Variants in NXF3 observed in about 807,000 individuals in gnomAD.
The protein encoded by NXF3 is nuclear RNA export factor 3.
Under a neutral mutation model 48.4 loss-of-function variants are expected in NXF3, and 34 were observed. The ratio of observed to expected loss-of-function variants is 0.70; its 90% CI spans 0.53 to 0.93. The LOEUF is 0.93. NXF3 is among the 40% of genes least tolerant of loss of function. The probability of loss-of-function intolerance (pLI) is 0.00; values close to 1 mark genes in which losing one functional copy is unlikely to be tolerated. For synonymous variants in NXF3, 132 were observed against 145.7 expected (o/e 0.91, Z 0.68); for missense variants, 359 against 406.1 (o/e 0.88, Z 1.00).
chrX:103,080,488 A>T, intron 10 of NXF3, 88 bp downstream of exon 10: 3 of 944,945 alleles, frequency 3.2e-6, no homozygotes, highest in Non-Finnish European at 4.6e-6. Flanking sequence ...CCAAAAATGT[A>T]ACTGGGACAA....
intron 1 of NXF3, among the ~76,000 whole-genome samples, chrX:103,091,565 G>A (rs1922274169): frequency 9.1e-6 from 1 of 109,950 alleles, no homozygotes; most frequent in African/African-American, 3.3e-5. Context: ...TGGTATCTGT[G>A]GGTGGGCAGG....
At chrX:103,085,433 A>G (rs1161148702) in intron 1 of NXF3, among the ~76,000 whole-genome samples, 1 of 111,876 alleles carries the variant, frequency 8.9e-6, no homozygotes, top group Non-Finnish European at 1.9e-5. Context: ...ATTGGAGAAT[A>G]ATAAAATCTA....
chrX:103,086,327 C>T (rs1004817712), intron 1 of NXF3, among the ~76,000 whole-genome samples: 3 of 110,546 alleles, frequency 2.7e-5, no homozygotes, highest in Admixed American at 9.6e-5. Context: ...AGGAGAATGG[C>T]GTGGACCCGG....
chrX:103,086,992 T>A (rs896678244), intron 1 of NXF3, among the ~76,000 whole-genome samples: 1 of 111,964 alleles, frequency 8.9e-6, no homozygotes, highest in Non-Finnish European at 1.9e-5. Context: ...AGAAACCCGA[T>A]TGAGAAGTGG....
chrX:103,084,926 A>G lies in NXF3; in HGVS notation c.29-43T>C, dbSNP rs73524000. ...ACATCAACACTTAGAATACCAGAAA[A>G]AAATCTTGGGAAAATATAATGGATA... is the stretch of plus-strand genomic sequence containing the variant. On this transcript the variant is annotated intron_variant, in intron 1 of 19. Coordinates refer to ENST00000395065, the MANE Select transcript of NXF3 (RefSeq NM_022052.2). 3.8e-3 allele frequency: 4,233 copies of G among 1,105,852 alleles called. 109 individuals carry two copies. In the African/African-American group the frequency reaches 0.062, roughly 16 times the overall value. 91.1% of individuals were successfully genotyped at this position (1,105,852 alleles called of 1,213,427 possible).
chrX:103,080,757 C>T, intron 9 of NXF3, 145 bp from the exon 10 acceptor site: 1 of 529,807 alleles, frequency 1.9e-6, no homozygotes, highest in South Asian at 3.1e-5. Context: ...CCCTGGGCAG[C>T]ATTGGGAGCC....
chrX:103,080,230 G>C lies in NXF3; in HGVS notation c.928-14C>G, dbSNP rs143217896. On this transcript the variant is annotated splice_polypyrimidine_tract_variant and intron_variant, in intron 10 of 19. Coordinates refer to ENST00000395065, the MANE Select transcript of NXF3 (RefSeq NM_022052.2). ...CTGCTGGCCATCCTGGGGAAGGCAA[G>C]AGGAAGTCAGTAGTGCAAAGTAGGG... is the stretch of plus-strand genomic sequence containing the variant. The C allele has an allele frequency of 9.4e-3, 11,308 of 1,204,551 alleles. 55 individuals carry two copies. Among genetic ancestry groups the C allele is most frequent in the Non-Finnish European group, 0.012 (10,458 of 890,729 alleles).
At chrX:103,079,172 G>T (rs1211810646) in intron 16 of NXF3, 49 bp downstream of exon 16, 2 of 1,143,505 alleles carry the variant, frequency 1.7e-6, no homozygotes, top group Admixed American at 4.4e-5. Context: ...GCCCAGCCAG[G>T]GGGAGGGAGG....
At position 103,087,332 on chromosome X, in the gene NXF3, A is replaced by C. The variant is rs190500297; in HGVS notation, c.29-2449T>G. 1,220 of 1,203,305 alleles carry C rather than the reference A, an allele frequency of 1.0e-3. 8 individuals carry two copies. The African/African-American group carries it at 0.02, about 19-fold the overall frequency. ...ACACCATCAAAATTAGCTAGGCACT[A>C]TCTCATTCATACTGGTCAAAAGCCA... On this transcript the variant is annotated intron_variant, in intron 1 of 19. Transcript: ENST00000395065.
At chrX:103,084,605 G>A in intron 2 of NXF3, 110 bp from the exon 3 acceptor site, 1 of 1,124,224 alleles carries the variant, frequency 8.9e-7, no homozygotes, top group South Asian at 2.0e-5. Context: ...CATTAATCGA[G>A]TTCTGTCATT....
rs778127278 is a variant in NXF3, at chrX:103,089,115, T to C, written c.28+3881A>G. ...TTGTGCTAGGAGTTTCTGATCTCCA[T>C]CTATACTGGAAAAACACTAACTAAT... On this transcript the variant is annotated intron_variant, in intron 1 of 19. Coordinates refer to ENST00000395065, the MANE Select transcript of NXF3 (RefSeq NM_022052.2). The C allele has an allele frequency of 2.2e-5, 20 of 896,161 alleles. No individual in the cohort carries two copies. The Middle Eastern group carries it at 8.1e-4, about 36-fold the overall frequency. 73.9% of individuals were successfully genotyped at this position (896,161 alleles called of 1,213,427 possible). A position where few individuals can be genotyped will look rare whatever the true frequency, so the allele number is the denominator to read the frequency against.
At chrX:103,082,396 A>G in intron 8 of NXF3, 32 bp from the exon 9 acceptor site, 3 of 1,020,057 alleles carry the variant, frequency 2.9e-6, no homozygotes, top group Non-Finnish European at 4.1e-6. Flanking sequence ...ACGTAGACCC[A>G]GGAAAGAGCA....
chrX:103,084,799 T>C lies in NXF3; in HGVS notation c.113A>G (p.Asn38Ser). The change falls in exon 2 of 20, where the codon AAT becomes AGT. Residue 38 changes from asparagine to serine, a missense_variant. Coordinates refer to ENST00000395065, the MANE Select transcript of NXF3 (RefSeq NM_022052.2). ...ATGGGATGAAGAATGCATGCCAGGA[T>C]TGACAGGTTCAGACCTACTGCTAAA... ...RRFSSRSEPVNPGMHSSSHQQ... is the reference protein window; with the variant it reads ...RRFSSRSEPVSPGMHSSSHQQ... 6 of 1,211,394 alleles carry C rather than the reference T, an allele frequency of 5.0e-6. No individual in the cohort carries two copies. Among genetic ancestry groups the C allele is most frequent in the Non-Finnish European group, 6.7e-6 (6 of 894,890 alleles).
chrX:103,080,288 C>T, intron 10 of NXF3, 72 bp from the exon 11 acceptor site: 1 of 1,005,595 alleles, frequency 9.9e-7, no homozygotes, highest in Non-Finnish European at 1.4e-6. Context: ...AAAGGATAGA[C>T]CCAGGAGAGG....
intron 19 of NXF3, 108 bp downstream of exon 19, chrX:103,076,133 C>T (rs112014319): frequency 9.0e-6 from 5 of 556,251 alleles, no homozygotes; most frequent in African/African-American, 4.5e-5. Flanking sequence ...TGCCCTTGGC[C>T]GAGAGGAAGT....
chrX:103,076,229 C>G lies in NXF3; in HGVS notation c.*49+12G>C. The G allele has an allele frequency of 8.4e-7, 1 of 1,184,403 alleles. No homozygotes were observed. The highest frequency in any genetic ancestry group is 1.1e-6 in the Non-Finnish European group (1 of 870,994). ...AACCTCTGCTCACTTGGCCTGAATT[C>G]CTAGACCTCACCTTGGGCCATGCAA... On this transcript the variant is annotated intron_variant, in intron 19 of 19. Transcript: ENST00000395065.
At chrX:103,090,929 A>G (rs17340286) in intron 1 of NXF3, among the ~76,000 whole-genome samples, 4,512 of 111,943 alleles carry the variant, frequency 0.04, 207 homozygotes, top group South Asian at 0.3. Flanking sequence ...CAGGCAAGAT[A>G]GTGGTTTACA....
Position 103,080,011 on chromosome X carries a change from A to G in NXF3, c.1052+2T>C. 1 of 1,210,949 alleles carries G rather than the reference A, an allele frequency of 8.3e-7. No homozygotes were observed. Among genetic ancestry groups the G allele is most frequent in the Non-Finnish European group, 1.1e-6 (1 of 894,888 alleles). On this transcript the variant is annotated splice_donor_variant, in intron 12 of 19. Coordinates refer to ENST00000395065, the MANE Select transcript of NXF3 (RefSeq NM_022052.2). LOFTEE classifies it high-confidence loss of function. ...TTGCCTCAGATTCCCAGGGATACTTACTGCTGCAGGAATTGCAGGACCAGA... is the reference window on the plus strand; with the variant it reads ...TTGCCTCAGATTCCCAGGGATACTTGCTGCTGCAGGAATTGCAGGACCAGA...
rs1333395888 is a variant in NXF3, at chrX:103,078,450, A to C, written c.1451+110T>G. 8 of 1,081,495 alleles carry C rather than the reference A, an allele frequency of 7.4e-6. No homozygotes were observed. In the East Asian group the frequency reaches 2.4e-4, roughly 33 times the overall value. 89.1% of individuals were successfully genotyped at this position (1,081,495 alleles called of 1,213,427 possible). A position where few individuals can be genotyped will look rare whatever the true frequency, so the allele number is the denominator to read the frequency against. On this transcript the variant is annotated intron_variant, in intron 17 of 19. Coordinates refer to ENST00000395065, the MANE Select transcript of NXF3 (RefSeq NM_022052.2). Reference sequence around the variant, plus strand: ...CCCATACTCTTAACTATTAGACTAGACTGTCGGTTTTTTACAACATTGAGA... The same window carrying C: ...CCCATACTCTTAACTATTAGACTAGCCTGTCGGTTTTTTACAACATTGAGA...
Sources: allele counts gnomAD v4.1 joint callset (sites outside exome capture counted in the v4.1 genomes callset), GRCh38; gene constraint gnomAD v4.1.1; transcripts MANE v1.5; gene names NCBI Gene and HGNC (gene_info 2026-07-23, HGNC 2026-07-21).